The following HSP90AB1 variants were observed in gnomAD, a reference collection of about 807,000 sequenced individuals.
The protein encoded by HSP90AB1 is heat shock protein HSP 90-beta.
In HSP90AB1, 17 loss-of-function variants were observed where a neutral mutation model predicts 67.8. The ratio of observed to expected loss-of-function variants is 0.25; its 90% CI spans 0.17 to 0.38. HSP90AB1 has a LOEUF of 0.38. Ranked by LOEUF, HSP90AB1 falls within the 10% of genes least tolerant of loss-of-function variation. HSP90AB1 has a pLI of 1.00. For missense variants in HSP90AB1, 690 were observed against 899.9 expected, an observed-to-expected ratio of 0.77 and a Z score of 2.98; for synonymous variants, 390 against 312.9, an observed-to-expected ratio of 1.25 and a Z score of -2.60.
chr6:44,253,658 T>G lies in HSP90AB1; in HGVS notation c.*60T>G, dbSNP rs1273842410. The G allele has an allele frequency of 1.5e-6, 2 of 1,298,080 alleles. No individual in the cohort carries two copies. The highest frequency in any genetic ancestry group is 2.2e-6 in the Non-Finnish European group (2 of 891,718). 80.4% of individuals were successfully genotyped at this position (1,298,080 alleles called of 1,614,324 possible). ...GTATAGTGTCCCCATGGGCTCCCAC[T>G]GCAGCCTCGAGTGCCCCTGTCCCAC... On this transcript the variant is annotated 3_prime_UTR_variant, in exon 12 of 12. Transcript: ENST00000371646.
intron 5 of HSP90AB1, 63 bp downstream of exon 5, chr6:44,250,217 C>G: frequency 1.9e-6 from 3 of 1,611,104 alleles, no homozygotes; most frequent in Non-Finnish European, 2.5e-6. Flanking sequence ...TCTGGAGAAT[C>G]TCATTGTCCC....
In HSP90AB1 at chr6:44,249,511, C is replaced by T. The variant is rs766669218; in HGVS notation, c.282C>T (p.Thr94=). The T allele has an allele frequency of 4.8e-5, 77 of 1,614,016 alleles. No homozygotes were observed. Among genetic ancestry groups the T allele is most frequent in the Admixed American group, 6.7e-5 (4 of 60,006 alleles). ...LTLVDTGIGM[T]KADLINNLGT... is the part of the protein sequence containing the mutation. The stretch of plus-strand genomic sequence containing the variant: ...TGGTAGACACAGGCATTGGCATGAC[C>T]AAAGCTGATCTCATAAATAATTTGG... The change falls in exon 3 of 12, where the codon ACC becomes ACT. Residue 94 remains threonine, a synonymous_variant. Transcript: ENST00000371646.
rs200776165 is a variant in HSP90AB1, at chr6:44,250,575, C to T, written c.933C>T (p.Asp311=). 1.9e-6 allele frequency: 3 copies of T among 1,608,764 alleles called. No homozygotes were observed. Among genetic ancestry groups the T allele is most frequent in the East Asian group, 4.5e-5 (2 of 44,868 alleles). Reference sequence around the variant, plus strand: ...AATTCTACAAGAGCCTCACTAATGACTGGGAAGACCACTTGGCAGTCAAGG... The same window carrying T: ...AATTCTACAAGAGCCTCACTAATGATTGGGAAGACCACTTGGCAGTCAAGG... ...YGEFYKSLTN[D]WEDHLAVKHF... is the part of the protein sequence containing the mutation. Residue 311 remains aspartate (D), a synonymous_variant, in exon 6 of 12, where the codon GAC becomes GAT. Coordinates refer to ENST00000371646, the MANE Select transcript of HSP90AB1 (RefSeq NM_007355.4).
chr6:44,251,631 T>C (rs1185838257), intron 8 of HSP90AB1, 23 bp downstream of exon 8: 6 of 1,593,530 alleles, frequency 3.8e-6, no homozygotes, highest in Non-Finnish European at 5.1e-6. Flanking sequence ...ATAATGCTTA[T>C]TCCCTTTACC....
At chr6:44,252,616 C>T (rs1780816940) in intron 10 of HSP90AB1, among the ~76,000 whole-genome samples, 2 of 152,118 alleles carry the variant, frequency 1.3e-5, no homozygotes, top group South Asian at 4.1e-4. Flanking sequence ...CTGCCTTAGC[C>T]TCCTGAGTAG....
Position 44,251,205 on chromosome 6 carries a change from A to C in HSP90AB1, c.1115A>C (p.Glu372Ala). Residue 372 changes from glutamate to alanine, a missense_variant, in exon 7 of 12, where the codon GAG becomes GCG. Transcript: ENST00000371646. ...IMDSCDELIP[E>A]YLNFIRGVVD... ...GACAGCTGTGATGAGTTGATACCAGAGTATCTCAGTGAGTATCTCCTTGGC... is the reference window on the plus strand; with the variant it reads ...GACAGCTGTGATGAGTTGATACCAGCGTATCTCAGTGAGTATCTCCTTGGC... 1 of 1,614,076 alleles carries C rather than the reference A, an allele frequency of 6.2e-7. No homozygotes were observed. The highest frequency in any genetic ancestry group is 8.5e-7 in the Non-Finnish European group (1 of 1,179,944).
rs781478132 is a variant in HSP90AB1 at position 44,253,704 on chromosome 6, C to CTA, written c.*107_*108dup. 2.2e-5 allele frequency: 19 copies of CTA among 859,114 alleles called. No homozygotes were observed. The highest frequency in any genetic ancestry group is 3.3e-5 in the Non-Finnish European group (16 of 490,388). The allele number at this position is 859,114 out of a possible 1,614,324, so 53.2% of individuals were successfully genotyped here. A position where few individuals can be genotyped will look rare whatever the true frequency, so the allele number is the denominator to read the frequency against. On this transcript the variant is annotated 3_prime_UTR_variant, in exon 12 of 12. Transcript: ENST00000371646. ...CCCACCTGGCTCCCCCTGCTGGTGT[C>CTA]TAGTGTTTTTTTCCCTCTCCTGTCC...
rs531267099 is a variant in HSP90AB1 at position 44,247,722 on chromosome 6, C to T, written c.-1+527C>T. 5 of 152,362 alleles carry T rather than the reference C, an allele frequency of 3.3e-5. No homozygotes were observed. The East Asian group carries it at 5.8e-4, about 18-fold the overall frequency. The allele number at this position is 152,362 out of a possible 1,614,324, so 9.4% of individuals were successfully genotyped here. ...TTCGGTCTCCAGCACCCGATACTCC[C>T]TCCTTCCAGATCTTTCTTGCAGTCC... is the stretch of plus-strand genomic sequence containing the variant. On this transcript the variant is annotated intron_variant, in intron 1 of 11. Transcript: ENST00000371646.
chr6:44,249,628 T>G (rs1307032463), intron 3 of HSP90AB1, 45 bp downstream of exon 3: 2 of 1,610,856 alleles, frequency 1.2e-6, no homozygotes, highest in Non-Finnish European at 1.7e-6. Flanking sequence ...TGTTCTTTGG[T>G]TTTTTGCTTC....
intron 6 of HSP90AB1, among the ~76,000 whole-genome samples, chr6:44,250,816 T>C (rs1780547571): frequency 6.6e-6 from 1 of 152,226 alleles, no homozygotes; most frequent in Non-Finnish European, 1.5e-5. Flanking sequence ...GTAATGTCTA[T>C]TGGCAGCCTT....
intron 6 of HSP90AB1, 28 bp from the exon 7 acceptor site, chr6:44,251,020 T>G (rs766573314): frequency 6.2e-7 from 1 of 1,607,760 alleles, no homozygotes; most frequent in Non-Finnish European, 8.5e-7. Context: ...TCTTTTGAAA[T>G]GTACCACTTA....
chr6:44,247,042 A>T (rs1171470391), upstream of HSP90AB1: 2 of 152,166 alleles, frequency 1.3e-5, no homozygotes, highest in Non-Finnish European at 2.9e-5. Flanking sequence ...AGGGATCTAC[A>T]GGAGGGCGGC....
chr6:44,249,195 G>A (rs1780350317), intron 2 of HSP90AB1, among the ~76,000 whole-genome samples, 182 bp from the exon 3 acceptor site: 1 of 152,176 alleles, frequency 6.6e-6, no homozygotes, highest in Non-Finnish European at 1.5e-5. Flanking sequence ...AATATTAGTT[G>A]GGCACGGTGG....
intron 10 of HSP90AB1, among the ~76,000 whole-genome samples, chr6:44,252,536 C>T (rs920340675): frequency 2.0e-5 from 3 of 152,052 alleles, no homozygotes; most frequent in South Asian, 4.1e-4. Flanking sequence ...CGCTCTGTCA[C>T]CCAGGCTGGA....
At chr6:44,247,686 G>A (rs1275202191) in intron 1 of HSP90AB1, among the ~76,000 whole-genome samples, 1 of 152,208 alleles carries the variant, frequency 6.6e-6, no homozygotes, top group African/African-American at 2.4e-5. Flanking sequence ...TGACGGTGTG[G>A]GAAGAGAGCT....
chr6:44,249,636 T>C (rs764338801), intron 3 of HSP90AB1, 39 bp from the exon 4 acceptor site: 7 of 1,611,244 alleles, frequency 4.3e-6, no homozygotes, highest in Admixed American at 3.3e-5. Context: ...GGTTTTTTGC[T>C]TCTTTAAAAC....
rs1328676089 is a variant in HSP90AB1, at chr6:44,253,143, A to G, written c.1830A>G (p.Ala610=). The G allele has an allele frequency of 1.1e-5, 17 of 1,614,204 alleles. No individual in the cohort carries two copies. The highest frequency in any genetic ancestry group is 1.3e-5 in the African/African-American group (1 of 75,060). ...ANMERIMKAQ[A]LRDNSTMGYM... Reference sequence around the variant, plus strand: ...TGGAGCGGATCATGAAAGCCCAGGCACTTCGGGACAACTCCACCATGGGCT... The same window carrying G: ...TGGAGCGGATCATGAAAGCCCAGGCGCTTCGGGACAACTCCACCATGGGCT... Residue 610 remains alanine (A), a synonymous_variant, in exon 11 of 12, where the codon GCA becomes GCG. Coordinates refer to ENST00000371646, the MANE Select transcript of HSP90AB1 (RefSeq NM_007355.4).
intron 1 of HSP90AB1, 85 bp from the exon 2 acceptor site, chr6:44,248,543 TAA>T (rs1780255284): frequency 7.9e-7 from 1 of 1,259,840 alleles, no homozygotes; most frequent in Non-Finnish European, 1.1e-6. Flanking sequence ...ACTCACTGTC[TAA>T]GGTCCTAACA....
chr6:44,248,291 C>T (rs1376000973), intron 1 of HSP90AB1, among the ~76,000 whole-genome samples: 1 of 152,184 alleles, frequency 6.6e-6, no homozygotes, highest in Non-Finnish European at 1.5e-5. Context: ...TACTTGGGAT[C>T]TCTAGATACC....
Sources: gnomAD v4.1 joint callset for allele counts (sites outside exome capture counted in the v4.1 genomes callset) on GRCh38, gnomAD v4.1.1 for gene constraint, MANE v1.5 for transcripts, NCBI Gene and HGNC (gene_info 2026-07-23, HGNC 2026-07-21) for gene names.